The following AKAP13 variants were observed in gnomAD, a reference collection of about 807,000 sequenced individuals.
The protein encoded by AKAP13 is A-kinase anchoring protein 13.
AKAP13 carries 80 observed loss-of-function variants against 264.5 expected under a neutral mutation model. The ratio of observed to expected loss-of-function variants is 0.30; its 90% CI spans 0.25 to 0.36. The LOEUF is 0.36. Among genes scored for constraint, AKAP13 ranks in the 10% least tolerant of loss-of-function variants. The pLI, the probability that AKAP13 is intolerant of heterozygous loss-of-function variation, is 1.00. For missense variants in AKAP13, 3,712 were observed against 3,435.2 expected, an observed-to-expected ratio of 1.08 and a Z score of -2.01; for synonymous variants, 1,380 against 1,250.2, an observed-to-expected ratio of 1.10 and a Z score of -2.19.
chr15:85,386,174 G>T (rs967174085), intron 1 of AKAP13, among the ~76,000 whole-genome samples: 1 of 152,046 alleles, frequency 6.6e-6, no homozygotes, highest in Non-Finnish European at 1.5e-5. Flanking sequence ...TAATTTTTAT[G>T]ATATCCAGTG....
intron 1 of AKAP13, among the ~76,000 whole-genome samples, chr15:85,399,683 C>T (rs2071332140): frequency 6.6e-6 from 1 of 151,982 alleles, no homozygotes; most frequent in Non-Finnish European, 1.5e-5. Flanking sequence ...TTACTGTCCT[C>T]TTAGGTGCTA....
Position 85,620,138 on chromosome 15 carries a change from A to G in AKAP13, c.4162-19236A>G, listed in dbSNP as rs557121207. On this transcript the variant is annotated intron_variant, in intron 8 of 36. Coordinates refer to ENST00000394518, the MANE Select transcript of AKAP13 (RefSeq NM_007200.5). ...CGCTACAGCCTCTGTGACATCTCCA[A>G]GGTGGACAGGACTGTGGACGTGGTA... 28 of 1,536,074 alleles carry G rather than the reference A, an allele frequency of 1.8e-5. No homozygotes were observed. The South Asian group carries it at 2.9e-4, about 16-fold the overall frequency.
At chr15:85,459,256 G>A (rs1206700482) in intron 1 of AKAP13, among the ~76,000 whole-genome samples, 1 of 151,954 alleles carries the variant, frequency 6.6e-6, no homozygotes, top group Non-Finnish European at 1.5e-5. Context: ...TGTGATCTTG[G>A]CTCACTGCAA....
intron 12 of AKAP13, 95 bp downstream of exon 12, chr15:85,658,685 A>G (rs2083207766): frequency 2.8e-6 from 3 of 1,082,768 alleles, no homozygotes; most frequent in South Asian, 3.7e-5. Flanking sequence ...TGGATCATCT[A>G]CTTTTAAGTA....
At chr15:85,438,699 G>C (rs1259310821) in intron 1 of AKAP13, among the ~76,000 whole-genome samples, 5 of 150,830 alleles carry the variant, frequency 3.3e-5, no homozygotes, top group Admixed American at 6.6e-5. Context: ...ACAAACCTGA[G>C]AAAAACAAGC....
intron 8 of AKAP13, among the ~76,000 whole-genome samples, chr15:85,588,003 T>G (rs1243561623): frequency 6.7e-6 from 1 of 149,590 alleles, no homozygotes; most frequent in Non-Finnish European, 1.5e-5. Context: ...ATGCTTTAGA[T>G]TCCATGGTGG....
At chr15:85,498,095 C>T (rs1168411965) in intron 2 of AKAP13, among the ~76,000 whole-genome samples, 1 of 151,662 alleles carries the variant, frequency 6.6e-6, no homozygotes, top group Non-Finnish European at 1.5e-5. Context: ...AATGGTGTAG[C>T]ATCAATGAGC....
chr15:85,740,775 A>ACCCCCCC (rs34080252), intron 34 of AKAP13, among the ~76,000 whole-genome samples: 15 of 67,380 alleles, frequency 2.2e-4, no homozygotes, highest in African/African-American at 3.6e-4. Flanking sequence ...ACACACAACC[A>ACCCCCCC]CCCCCCCCCC....
At chr15:85,534,546 T>G in intron 4 of AKAP13, 1 of 152,136 alleles carries the variant, frequency 6.6e-6, no homozygotes, top group Non-Finnish European at 1.5e-5. Context: ...GTGATTCTGC[T>G]GCCTCAGCCT....
At chr15:85,706,274 C>T (rs1012320975) in intron 17 of AKAP13, among the ~76,000 whole-genome samples, 1 of 151,996 alleles carries the variant, frequency 6.6e-6, no homozygotes, top group Non-Finnish European at 1.5e-5. Flanking sequence ...GGGAGGTGCA[C>T]CATACACCCT....
intron 1 of AKAP13, among the ~76,000 whole-genome samples, chr15:85,440,693 C>T (rs971173620): frequency 6.6e-6 from 1 of 152,194 alleles, no homozygotes; most frequent in Non-Finnish European, 1.5e-5. Context: ...ATCAAGTTCT[C>T]TTACACACTT....
At chr15:85,682,072 C>A in intron 14 of AKAP13, 86 bp from the exon 15 acceptor site, 2 of 1,270,386 alleles carry the variant, frequency 1.6e-6, no homozygotes, top group South Asian at 1.2e-5. Flanking sequence ...TTTGCTTTAG[C>A]TGTGTCATTG....
intron 1 of AKAP13, among the ~76,000 whole-genome samples, chr15:85,473,024 C>T (rs182546818): frequency 1.3e-5 from 2 of 152,170 alleles, no homozygotes; most frequent in Admixed American, 1.3e-4. Context: ...TTCAAAAATT[C>T]AAAAAATACA....
At chr15:85,485,530 A>G (rs1035301754) in intron 1 of AKAP13, among the ~76,000 whole-genome samples, 180 bp from the exon 2 acceptor site, 4 of 152,178 alleles carry the variant, frequency 2.6e-5, no homozygotes, top group Non-Finnish European at 5.9e-5. Flanking sequence ...TCTGGGATCA[A>G]TTCCTGACCC....
intron 17 of AKAP13, among the ~76,000 whole-genome samples, chr15:85,706,331 T>A (rs922650780): frequency 7.2e-5 from 11 of 152,188 alleles, no homozygotes; most frequent in Admixed American, 3.3e-4. Flanking sequence ...TGTTTTGGCT[T>A]ACTAGAAAAT....
intron 17 of AKAP13, among the ~76,000 whole-genome samples, chr15:85,704,897 C>G (rs2086144040): frequency 6.6e-6 from 1 of 152,164 alleles, no homozygotes; most frequent in Non-Finnish European, 1.5e-5. Context: ...GTTTCTAAAT[C>G]ACCCACGCAC....
At chr15:85,430,858 ATACTTG>A (rs2150924190) in intron 1 of AKAP13, among the ~76,000 whole-genome samples, 1 of 152,316 alleles carries the variant, frequency 6.6e-6, no homozygotes, top group East Asian at 1.9e-4. Flanking sequence ...GAGGGTTTAA[ATACTTG>A]TACTAGGTCA....
Position 85,581,265 on chromosome 15 carries a change from A to G in AKAP13, c.3197A>G (p.Asp1066Gly), listed in dbSNP as rs1251309789. The change falls in exon 7 of 37, where the codon GAT (aspartate) becomes GGT (glycine). Residue 1066 changes from aspartate (D) to glycine (G), a missense_variant. Physicochemically the swap from Asp to Gly is moderately conservative, Grantham distance 94. Transcript: ENST00000394518. Reference protein sequence around the residue: ...ALNCSQPSPLDVGVKNTQSQG... With the variant: ...ALNCSQPSPLGVGVKNTQSQG... Reference sequence around the variant, plus strand: ...AACTGCAGTCAGCCTTCTCCTCTGGATGTTGGAGTGAAGAACACTCAATCC... The same window carrying G: ...AACTGCAGTCAGCCTTCTCCTCTGGGTGTTGGAGTGAAGAACACTCAATCC... The G allele has an allele frequency of 6.2e-7, 1 of 1,614,122 alleles. No homozygotes were observed. Among genetic ancestry groups the G allele is most frequent in the Non-Finnish European group, 8.5e-7 (1 of 1,180,010 alleles).
chr15:85,737,981 C>A (rs867273926), intron 33 of AKAP13, among the ~76,000 whole-genome samples: 21 of 152,228 alleles, frequency 1.4e-4, no homozygotes, highest in Middle Eastern at 3.4e-3. Flanking sequence ...TATTTAGTTA[C>A]AAGAATCAGG....
Sources: allele counts gnomAD v4.1 joint callset (sites outside exome capture counted in the v4.1 genomes callset), GRCh38; gene constraint gnomAD v4.1.1; transcripts MANE v1.5; gene names NCBI Gene and HGNC (gene_info 2026-07-23, HGNC 2026-07-21).